VTA1: variants seen among roughly 807,000 people sequenced by gnomAD.
VTA1 encodes the protein vacuolar protein sorting-associated protein VTA1 homolog.
In VTA1, 24 loss-of-function variants were observed where a neutral mutation model predicts 36.9. The ratio of observed to expected loss-of-function variants is 0.65; its 90% CI spans 0.47 to 0.91. The LOEUF is 0.91. VTA1 is among the 40% of genes least tolerant of loss of function. The probability of loss-of-function intolerance (pLI) is 0.00; values close to 1 mark genes in which losing one functional copy is unlikely to be tolerated. For missense variants in VTA1, 393 were observed against 377.2 expected (o/e 1.04, Z -0.35); for synonymous variants, 142 against 130.2 (o/e 1.09, Z -0.62).
At chr6:142,181,114 T>TAC (rs1562262301) in intron 4 of VTA1, among the ~76,000 whole-genome samples, 9 of 119,324 alleles carry the variant, frequency 7.5e-5, no homozygotes, top group Admixed American at 2.6e-4. Flanking sequence ...TATATATATA[T>TAC]ATACACACAC....
intron 2 of VTA1, among the ~76,000 whole-genome samples, chr6:142,169,324 T>C (rs1774985285): frequency 6.6e-6 from 1 of 152,210 alleles, no homozygotes; most frequent in Admixed American, 6.5e-5. Context: ...AAATTATATT[T>C]TCAGTTTATC....
Position 142,221,676 on chromosome 6 carries a change from G to C in VTA1, c.*3033G>C, listed in dbSNP as rs11969226. 2 of 151,708 alleles carry C rather than the reference G, an allele frequency of 1.3e-5. No individual in the cohort carries two copies. The highest frequency in any genetic ancestry group is 2.9e-5 in the Non-Finnish European group (2 of 67,954). The allele number at this position is 151,708 out of a possible 1,614,324, so 9.4% of individuals were successfully genotyped here. On this transcript the variant is annotated 3_prime_UTR_variant, in exon 8 of 8. Coordinates refer to ENST00000367630, the MANE Select transcript of VTA1 (RefSeq NM_016485.5). ...TTAAAAAGAGTATTAACAATAGGCCGGGGGCGGTGGTTCGCACCTGCAATC... is the reference window on the plus strand; with the variant it reads ...TTAAAAAGAGTATTAACAATAGGCCCGGGGCGGTGGTTCGCACCTGCAATC...
intron 7 of VTA1, among the ~76,000 whole-genome samples, chr6:142,206,832 C>T (rs1775800308): frequency 6.6e-6 from 1 of 151,980 alleles, no homozygotes; most frequent in Non-Finnish European, 1.5e-5. Context: ...AAGGGAACAC[C>T]ATTGAAAAAA....
intron 5 of VTA1, among the ~76,000 whole-genome samples, chr6:142,196,732 C>G (rs558091400): frequency 2.3e-4 from 35 of 152,014 alleles, no homozygotes; most frequent in African/African-American, 8.0e-4. Context: ...TTTGTAGACT[C>G]TTTTTTTCAC....
At chr6:142,164,308 G>A (rs1183092155) in intron 1 of VTA1, among the ~76,000 whole-genome samples, 2 of 152,018 alleles carry the variant, frequency 1.3e-5, no homozygotes, top group East Asian at 1.9e-4. Flanking sequence ...TTCAGTGCTA[G>A]TTAGTGTGCA....
At chr6:142,215,492 T>G (rs907054156) in intron 7 of VTA1, among the ~76,000 whole-genome samples, 4 of 152,164 alleles carry the variant, frequency 2.6e-5, no homozygotes, top group African/African-American at 9.7e-5. Flanking sequence ...TGAATAGTAT[T>G]TAGCACAGCA....
chr6:142,175,820 CTA>C (rs1775111882), intron 4 of VTA1, among the ~76,000 whole-genome samples: 1 of 151,822 alleles, frequency 6.6e-6, no homozygotes, highest in African/African-American at 2.4e-5. Context: ...TTGTATAAAA[CTA>C]AAGTCTATTT....
intron 1 of VTA1, among the ~76,000 whole-genome samples, chr6:142,151,675 A>AT (rs2114627065): frequency 6.6e-6 from 1 of 152,342 alleles, no homozygotes; most frequent in South Asian, 2.1e-4. Context: ...TTCTCTTTAA[A>AT]CTAAATGAGC....
intron 7 of VTA1, among the ~76,000 whole-genome samples, chr6:142,215,113 TAG>T (rs1775982050): frequency 6.6e-6 from 1 of 152,188 alleles, no homozygotes; most frequent in African/African-American, 2.4e-5. Flanking sequence ...TGAATAGTAT[TAG>T]AGTGTCAATG....
chr6:142,147,430 T>C, intron 1 of VTA1, 31 bp downstream of exon 1: 1 of 1,601,620 alleles, frequency 6.2e-7, no homozygotes, highest in Non-Finnish European at 8.5e-7. Context: ...GCGCCCTTTC[T>C]TTCCCAGTTG....
chr6:142,193,691 C>G (rs1412948039), intron 5 of VTA1, among the ~76,000 whole-genome samples: 1 of 151,516 alleles, frequency 6.6e-6, no homozygotes, highest in Non-Finnish European at 1.5e-5. Flanking sequence ...GGCTTCATTA[C>G]TTGAGCAAAT....
chr6:142,204,345 G>A (rs1301794215), intron 7 of VTA1, among the ~76,000 whole-genome samples: 2 of 152,050 alleles, frequency 1.3e-5, no homozygotes, highest in African/African-American at 4.8e-5. Context: ...TGGAGCCAAG[G>A]CTACCATGGA....
At chr6:142,190,181 G>A (rs950918550) in intron 5 of VTA1, among the ~76,000 whole-genome samples, 6 of 152,068 alleles carry the variant, frequency 3.9e-5, no homozygotes, top group Admixed American at 3.9e-4. Context: ...AGTTATGTAG[G>A]TTATTTGCGG....
At chr6:142,180,224 G>A (rs570727235) in intron 4 of VTA1, among the ~76,000 whole-genome samples, 1 of 152,298 alleles carries the variant, frequency 6.6e-6, no homozygotes, top group Non-Finnish European at 1.5e-5. Flanking sequence ...GTCCAGGAAG[G>A]CTACAGATAA....
At chr6:142,198,163 GTATA>G (rs1554220897) in intron 5 of VTA1, among the ~76,000 whole-genome samples, 7 of 66,988 alleles carry the variant, frequency 1.0e-4, no homozygotes, top group South Asian at 5.5e-4. Flanking sequence ...GTGTGTGTGT[GTATA>G]TGTGTGTACA....
chr6:142,182,292 A>G (rs1183086776), intron 4 of VTA1, among the ~76,000 whole-genome samples: 1 of 152,190 alleles, frequency 6.6e-6, no homozygotes, highest in Non-Finnish European at 1.5e-5. Flanking sequence ...AAGGAGAACA[A>G]TGTGGCAGAA....
chr6:142,147,631 A>T (rs1196826663), intron 1 of VTA1, among the ~76,000 whole-genome samples: 5 of 152,230 alleles, frequency 3.3e-5, no homozygotes, highest in Non-Finnish European at 7.3e-5. Context: ...AGTACTGACT[A>T]CACAGGCTCT....
chr6:142,173,576 A>G (rs370314204), intron 4 of VTA1, among the ~76,000 whole-genome samples: 24 of 152,330 alleles, frequency 1.6e-4, no homozygotes, highest in Admixed American at 1.2e-3. Context: ...CAAGCACATA[A>G]TCCTTTAAAG....
chr6:142,209,323 C>T (rs945025899), intron 7 of VTA1, among the ~76,000 whole-genome samples: 1 of 151,580 alleles, frequency 6.6e-6, no homozygotes, highest in Admixed American at 6.6e-5. Flanking sequence ...ACCTGGGAAC[C>T]GATCTAACTA....
Sources: gnomAD v4.1 joint callset for allele counts (sites outside exome capture counted in the v4.1 genomes callset) on GRCh38, gnomAD v4.1.1 for gene constraint, MANE v1.5 for transcripts, NCBI Gene and HGNC (gene_info 2026-07-23, HGNC 2026-07-21) for gene names.